FLNA: variants seen among roughly 807,000 people sequenced by gnomAD.
FLNA encodes filamin-A.
FLNA carries 7 observed loss-of-function variants against 157.6 expected under a neutral mutation model. That is an observed-to-expected ratio of 0.04 (90% CI 0.03 to 0.08). The LOEUF is 0.08. FLNA is among the 10% of genes least tolerant of loss of function. The probability of loss-of-function intolerance (pLI) is 1.00; values close to 1 mark genes in which losing one functional copy is unlikely to be tolerated. For synonymous variants in FLNA, 1,103 were observed against 1,060.8 expected (o/e 1.04, Z -0.77); for missense variants, 1,750 against 2,398.4 (o/e 0.73, Z 5.65).
rs2067695444 is a variant in FLNA, at chrX:154,360,313, G to A, written c.3482C>T (p.Ser1161Phe). The A allele has an allele frequency of 8.3e-7, 1 of 1,211,053 alleles. No individual in the cohort carries two copies. The highest frequency in any genetic ancestry group is 1.1e-6 in the Non-Finnish European group (1 of 895,511). The change falls in exon 22 of 48, where the codon TCC becomes TTC. Residue 1161 changes from serine to phenylalanine, a missense_variant. By Grantham distance (155) the Ser-to-Phe change is radical. Around this residue, in one of 5 missense-constraint regions of FLNA, gnomAD observed 648 missense variants for 805.8 expected, o/e 0.80. Transcript: ENST00000369850. ...KAHVVPCFDA[S>F]KVKCSGPGLE... ...CCCGGGGCCTGAGCACTTGACTTTG[G>A]ATGCGTCAAAGCAGGGAACCACGTG...
intron 30 of FLNA, 150 bp downstream of exon 30, chrX:154,357,101 C>T: frequency 1.9e-6 from 1 of 540,354 alleles, no homozygotes; most frequent in Admixed American, 3.7e-5. Flanking sequence ...CCTCGCCCTC[C>T]AGCCCACGGC....
Position 154,367,233 on chromosome X carries a change from G to A in FLNA, c.868+164C>T, listed in dbSNP as rs1291639046. On this transcript the variant is annotated intron_variant, in intron 5 of 47. Coordinates refer to ENST00000369850, the MANE Select transcript of FLNA (RefSeq NM_001110556.2). Reference sequence around the variant, plus strand: ...AGGAACCTATTAGCATTCTCTTGTCGTTTTCACTAGTCCCAAAAACCCACT... The same window carrying A: ...AGGAACCTATTAGCATTCTCTTGTCATTTTCACTAGTCCCAAAAACCCACT... Among the ~76,000 whole-genome samples, 8 of 112,233 alleles carry A rather than the reference G, an allele frequency of 7.1e-5. No individual in the cohort carries two copies. In the East Asian group the frequency reaches 2.2e-3, roughly 31 times the overall value.
At chrX:154,372,845 AT>A (rs1444392023) in intron 1 of FLNA, among the ~76,000 whole-genome samples, 1 of 110,997 alleles carries the variant, frequency 9.0e-6, no homozygotes, top group Non-Finnish European at 1.9e-5. Context: ...CCAGCACGTC[AT>A]GCCCAAATAT....
chrX:154,352,153 C>T (rs2067624737), intron 41 of FLNA, 28 bp downstream of exon 41: 3 of 1,208,545 alleles, frequency 2.5e-6, no homozygotes, highest in African/African-American at 3.5e-5. Context: ...CGCAGGAGAG[C>T]GAGCACTCGG....
rs1557177117 is a variant in FLNA, at chrX:154,357,627, T to C, written c.4756-4A>G. 1.7e-6 allele frequency: 2 copies of C among 1,209,554 alleles called. No homozygotes were observed. The highest frequency in any genetic ancestry group is 3.5e-5 in the South Asian group (2 of 56,790). On this transcript the variant is annotated splice_polypyrimidine_tract_variant and splice_region_variant and intron_variant, in intron 28 of 47. Transcript: ENST00000369850. ...TCTTCGGCTTGCCTTCGGGATCCTG[T>C]GTGGCAGAGGCAGGGGAGGCAGTTG...
At chrX:154,373,040 C>T (rs782588783) in intron 1 of FLNA, among the ~76,000 whole-genome samples, 1 of 111,692 alleles carries the variant, frequency 9.0e-6, no homozygotes, top group South Asian at 3.7e-4. Flanking sequence ...CCTCTCCTGA[C>T]CACTTTGAGA....
Position 154,361,711 on chromosome X carries a change from C to G in FLNA, c.2903G>C (p.Ser968Thr). ...CACCTTGATCTTGCTGAGGTCCAGG[C>G]TTGGAGATACTGCCACTGAGAAAGG... ...KSPFSVAVSPSLDLSKIKVSG... is the reference protein window; with the variant it reads ...KSPFSVAVSPTLDLSKIKVSG... Residue 968 changes from serine (S) to threonine (T), a missense_variant, in exon 20 of 48, where the codon AGC (serine) becomes ACC (threonine). Coordinates refer to ENST00000369850, the MANE Select transcript of FLNA (RefSeq NM_001110556.2). 8.3e-7 allele frequency: 1 copy of G among 1,210,795 alleles called. No homozygotes were observed. Among genetic ancestry groups the G allele is most frequent in the Non-Finnish European group, 1.1e-6 (1 of 894,840 alleles).
At position 154,358,347 on chromosome X, in the gene FLNA, T is replaced by A; in HGVS notation, c.4607A>T (p.Lys1536Met). ...ATCATGAGTAGGCAGCACCTTGACC[T>A]TGAAGGGGCTGTGAGGGATTGGTGT... ...GDEEVPRSPFKVKVLPTHDAS... is the reference protein window; with the variant it reads ...GDEEVPRSPFMVKVLPTHDAS... The change falls in exon 28 of 48, where the codon AAG (lysine) becomes ATG (methionine). Residue 1536 changes from lysine (K) to methionine (M), a missense_variant. By Grantham distance (95) the Lys-to-Met change is moderately conservative. Coordinates refer to ENST00000369850, the MANE Select transcript of FLNA (RefSeq NM_001110556.2). 2 of 1,211,198 alleles carry A rather than the reference T, an allele frequency of 1.7e-6. No homozygotes were observed. Among genetic ancestry groups the A allele is most frequent in the Non-Finnish European group, 2.2e-6 (2 of 895,409 alleles).
Position 154,368,109 on chromosome X carries a change from C to T in FLNA, c.374-19G>A, listed in dbSNP as rs2070817. ...TTGCTGTCTGTGAGTAGAAGAGTGGCCACGCTGGGCACACGGCTGTGCGGG... is the reference window on the plus strand; with the variant it reads ...TTGCTGTCTGTGAGTAGAAGAGTGGTCACGCTGGGCACACGGCTGTGCGGG... On this transcript the variant is annotated intron_variant, in intron 2 of 47. Transcript: ENST00000369850. 0.062 allele frequency: 74,641 copies of T among 1,208,246 alleles called. 1,832 individuals are homozygous for T. The highest frequency in any genetic ancestry group is 0.09 in the South Asian group (5,094 of 56,742).
At chrX:154,363,180 G>A (rs1046272470) in intron 15 of FLNA, among the ~76,000 whole-genome samples, 4 of 112,125 alleles carry the variant, frequency 3.6e-5, no homozygotes, top group Non-Finnish European at 7.5e-5. Flanking sequence ...ACTTTGGAAG[G>A]CCAAGGTGGG....
In FLNA at chrX:154,354,513, G is replaced by A. The variant is rs781922184; in HGVS notation, c.5314-30C>T. The A allele has an allele frequency of 3.4e-6, 4 of 1,187,440 alleles. No homozygotes were observed. In the East Asian group the frequency reaches 8.9e-5, roughly 27 times the overall value. On this transcript the variant is annotated intron_variant, in intron 32 of 47. Coordinates refer to ENST00000369850, the MANE Select transcript of FLNA (RefSeq NM_001110556.2). ...AGTGGAGACACAGGGCATGGGTGAG[G>A]GACAGTGGGAGGATCTGGGGTCCCT...
intron 2 of FLNA, 120 bp from the exon 3 acceptor site, chrX:154,368,210 C>T: frequency 6.9e-6 from 7 of 1,017,894 alleles, no homozygotes; most frequent in Non-Finnish European, 9.6e-6. Flanking sequence ...GTAGACACCC[C>T]CTCTTGGCCA....
In FLNA at chrX:154,351,930, G is replaced by A. The variant is rs782563765; in HGVS notation, c.6861C>T (p.Asp2287=). The change falls in exon 42 of 48, where the codon GAC becomes GAT. Residue 2287 remains aspartate, a synonymous_variant. Transcript: ENST00000369850. ...GPSKAEISFE[D]RKDGSCGVAY... is the part of the protein sequence containing the mutation. ...CCACACCACAGGAGCCGTCCTTGCG[G>A]TCCTCAAAAGAGATCTCAGCCTTGC... 2 of 1,211,747 alleles carry A rather than the reference G, an allele frequency of 1.7e-6. No individual in the cohort carries two copies. The highest frequency in any genetic ancestry group is 2.2e-6 in the Non-Finnish European group (2 of 895,456).
In FLNA at chrX:154,354,283, G is replaced by A. The variant is rs1557176425; in HGVS notation, c.5425C>T (p.Arg1809Trp). 4 of 1,211,905 alleles carry A rather than the reference G, an allele frequency of 3.3e-6. No homozygotes were observed. The highest frequency in any genetic ancestry group is 2.2e-5 in the Admixed American group (1 of 46,185). ...IKKGEITGEV[R>W]MPSGKVAQPT... ...TGCGCCACCTTGCCTGAGGGCATCC[G>A]AACCTCCCCTGTGGGGCAGTGGGGC... Residue 1809 changes from arginine (R) to tryptophan (W), a missense_variant, in exon 34 of 48, where the codon CGG becomes TGG. By Grantham distance (101) the Arg-to-Trp change is moderately radical (BLOSUM62 -3). Coordinates refer to ENST00000369850, the MANE Select transcript of FLNA (RefSeq NM_001110556.2).
chrX:154,349,614 T>C, intron 46 of FLNA, 35 bp downstream of exon 46: 1 of 1,210,006 alleles, frequency 8.3e-7, no homozygotes, highest in East Asian at 3.0e-5. Context: ...GTGCCGGGCG[T>C]TGGGCAGATG....
At chrX:154,355,857 G>A (rs1557176769) in intron 30 of FLNA, among the ~76,000 whole-genome samples, 1 of 112,848 alleles carries the variant, frequency 8.9e-6, no homozygotes, top group African/African-American at 3.2e-5. Flanking sequence ...GTGGAGGCTT[G>A]GGGGGCTGTG....
chrX:154,352,722 T>G (rs1557176028), intron 39 of FLNA, 47 bp from the exon 40 acceptor site: 5 of 1,210,692 alleles, frequency 4.1e-6, no homozygotes, highest in Non-Finnish European at 5.6e-6. Context: ...ACATACTGCC[T>G]GTGGGCCCTG....
intron 2 of FLNA, 98 bp from the exon 3 acceptor site, chrX:154,368,188 G>A (rs1332267457): frequency 3.5e-6 from 4 of 1,127,071 alleles, no homozygotes; most frequent in Non-Finnish European, 4.9e-6. Context: ...GGTAGCAGGG[G>A]CCAAGGAGGA....
intron 47 of FLNA, 41 bp from the exon 48 acceptor site, chrX:154,349,077 T>C: frequency 8.8e-7 from 1 of 1,132,328 alleles, no homozygotes; most frequent in Non-Finnish European, 1.2e-6. Context: ...CCCAGCCCCC[T>C]TCCTCCCGCT....
Sources: gnomAD v4.1 joint callset for allele counts (sites outside exome capture counted in the v4.1 genomes callset) on GRCh38, gnomAD v4.1.1 for gene constraint, gnomAD v4.1.1 regional missense constraint, MANE v1.5 for transcripts, NCBI Gene and HGNC (gene_info 2026-07-23, HGNC 2026-07-21) for gene names.